CDK14: variants seen among roughly 807,000 people sequenced by gnomAD.
CDK14 encodes cyclin-dependent kinase 14.
In CDK14, 34 loss-of-function variants were observed where a neutral mutation model predicts 60.7. The observed-to-expected ratio is 0.56, with a 90% CI of 0.43 to 0.75. The LOEUF (loss-of-function observed/expected upper bound fraction) is 0.75. Ranked by LOEUF, CDK14 falls within the 30% of genes least tolerant of loss-of-function variation. The probability of loss-of-function intolerance (pLI) is 0.00; values close to 1 mark genes in which losing one functional copy is unlikely to be tolerated. For synonymous variants in CDK14, 197 were observed against 203.7 expected, an observed-to-expected ratio of 0.97 and a Z score of 0.28; for missense variants, 482 against 564.1, an observed-to-expected ratio of 0.85 and a Z score of 1.47.
chr7:91,192,148 A>G (rs1483286260), intron 14 of CDK14, among the ~76,000 whole-genome samples: 2 of 152,202 alleles, frequency 1.3e-5, no homozygotes, highest in African/African-American at 2.4e-5. Context: ...GGTTCAGGGT[A>G]GGTAAGGCTT....
chr7:90,968,784 T>G lies in CDK14; in HGVS notation c.947+12967T>G, dbSNP rs1794833164. On this transcript the variant is annotated intron_variant, in intron 9 of 14. Transcript: ENST00000380050. The stretch of plus-strand genomic sequence containing the variant: ...ATTAGAGGTGTTTGTTTTTGTTGTT[T>G]GTTTTTTCTCACACACTGGGTGTGG... Among the ~76,000 whole-genome samples the G allele has an allele frequency of 1.3e-5, 2 of 151,896 alleles. 1 individual carries two copies. The highest frequency in any genetic ancestry group is 4.2e-4 in the South Asian group (2 of 4,814).
At chr7:90,988,791 T>C (rs557002636) in intron 10 of CDK14, among the ~76,000 whole-genome samples, 1 of 152,304 alleles carries the variant, frequency 6.6e-6, no homozygotes, top group East Asian at 1.9e-4. Context: ...GGAATGATTC[T>C]GTTTTTCAGA....
At position 90,757,840 on chromosome 7, in the gene CDK14, T is replaced by C. The variant is rs150673217; in HGVS notation, c.464+10065T>C. 6.7e-3 allele frequency among the ~76,000 whole-genome samples: 1,014 copies of C among 152,272 alleles called. 3 individuals carry two copies. The highest frequency in any genetic ancestry group is 0.011 in the Non-Finnish European group (781 of 68,018). On this transcript the variant is annotated intron_variant, in intron 4 of 14. Coordinates refer to ENST00000380050, the MANE Select transcript of CDK14 (RefSeq NM_001287135.2). ...CTGGTCTCGAACTCCTGAACTAAAGTGATCCACCCACCTCGGCTTCCCAAA... is the reference window on the plus strand; with the variant it reads ...CTGGTCTCGAACTCCTGAACTAAAGCGATCCACCCACCTCGGCTTCCCAAA...
chr7:90,709,513 CAG>C, intron 2 of CDK14: 1 of 1,610,288 alleles, frequency 6.2e-7, no homozygotes, highest in Non-Finnish European at 8.5e-7. Flanking sequence ...TCTGAAAAGA[CAG>C]TGTGTTGTGA....
At position 91,038,316 on chromosome 7, in the gene CDK14, T is replaced by C. The variant is rs11974590; in HGVS notation, c.1042-7581T>C. 9.9e-3 allele frequency among the ~76,000 whole-genome samples: 1,515 copies of C among 152,356 alleles called. 28 individuals carry two copies. Among genetic ancestry groups the C allele is most frequent in the African/African-American group, 0.034 (1,427 of 41,574 alleles). ...GTCTATATAGTTAATTAAACAAATA[T>C]GTAAGGAGTGCCTACTTTATGTACT... On this transcript the variant is annotated intron_variant, in intron 10 of 14. Coordinates refer to ENST00000380050, the MANE Select transcript of CDK14 (RefSeq NM_001287135.2).
chr7:91,129,845 T>C (rs1228870699), intron 14 of CDK14, among the ~76,000 whole-genome samples: 1 of 152,176 alleles, frequency 6.6e-6, no homozygotes, highest in African/African-American at 2.4e-5. Flanking sequence ...TAGTGAAACG[T>C]GTCAACCTTT....
chr7:91,080,309 A>C (rs538770340), intron 12 of CDK14, among the ~76,000 whole-genome samples: 1 of 152,322 alleles, frequency 6.6e-6, no homozygotes, highest in Non-Finnish European at 1.5e-5. Context: ...AAACTTTTTC[A>C]TATTAAAATG....
intron 14 of CDK14, among the ~76,000 whole-genome samples, chr7:91,160,726 C>G (rs775352112): frequency 4.6e-5 from 7 of 151,740 alleles, no homozygotes; most frequent in Non-Finnish European, 7.4e-5. Context: ...TTGCTATTTC[C>G]TTTTTATTTA....
intron 14 of CDK14, among the ~76,000 whole-genome samples, chr7:91,161,694 A>C (rs754287813): frequency 2.6e-5 from 4 of 152,230 alleles, no homozygotes; most frequent in Non-Finnish European, 4.4e-5. Flanking sequence ...GACAACTTCT[A>C]ATAATAAATG....
intron 10 of CDK14, among the ~76,000 whole-genome samples, chr7:91,027,892 T>C (rs1333375708): frequency 8.7e-5 from 1 of 11,552 alleles, no homozygotes; most frequent in African/African-American, 4.6e-4. Flanking sequence ...TCTCCTCTCC[T>C]CTCCTCTCCC....
At chr7:90,922,801 T>C (rs1383621647) in intron 8 of CDK14, among the ~76,000 whole-genome samples, 1 of 152,190 alleles carries the variant, frequency 6.6e-6, no homozygotes, top group African/African-American at 2.4e-5. Flanking sequence ...GTCTCAAGCA[T>C]ATTAAAATTA....
intron 5 of CDK14, among the ~76,000 whole-genome samples, chr7:90,817,994 A>C (rs1312281811): frequency 2.6e-5 from 4 of 152,224 alleles, no homozygotes; most frequent in Non-Finnish European, 5.9e-5. Context: ...ACCTAAGCCC[A>C]TCTGACTCTT....
intron 10 of CDK14, among the ~76,000 whole-genome samples, chr7:91,020,743 A>C (rs1249392468): frequency 6.6e-6 from 1 of 152,158 alleles, no homozygotes; most frequent in East Asian, 1.9e-4. Flanking sequence ...AAATTACCAC[A>C]AACTTAGTGG....
chr7:90,804,669 AT>A (rs1788757214), intron 5 of CDK14, among the ~76,000 whole-genome samples: 1 of 152,118 alleles, frequency 6.6e-6, no homozygotes, highest in South Asian at 2.1e-4. Flanking sequence ...TGAAAGTCAT[AT>A]GTTTTCTTTT....
chr7:90,829,505 G>A (rs1789839600), intron 5 of CDK14, among the ~76,000 whole-genome samples: 1 of 152,160 alleles, frequency 6.6e-6, no homozygotes. Context: ...CAGGCCCCAT[G>A]AAAGTCTGAA....
At chr7:91,182,512 ATTTTT>A (rs552713167) in intron 14 of CDK14, among the ~76,000 whole-genome samples, 1 of 151,818 alleles carries the variant, frequency 6.6e-6, no homozygotes, top group African/African-American at 2.4e-5. Flanking sequence ...TCCTTATGCA[ATTTTT>A]TTTATTTTAT....
intron 10 of CDK14, among the ~76,000 whole-genome samples, chr7:91,044,189 C>G (rs1465736064): frequency 1.3e-5 from 2 of 151,600 alleles, no homozygotes; most frequent in South Asian, 4.2e-4. Context: ...CGACATCAAT[C>G]AATACATGTA....
chr7:91,102,086 A>G (rs909151464), intron 12 of CDK14, among the ~76,000 whole-genome samples: 1 of 152,160 alleles, frequency 6.6e-6, no homozygotes. Context: ...CATTTTCAAG[A>G]GATCAGATGT....
chr7:91,123,426 T>C, intron 14 of CDK14, among the ~76,000 whole-genome samples: 1 of 152,184 alleles, frequency 6.6e-6, no homozygotes, highest in East Asian at 1.9e-4. Context: ...CTTAGTGTTC[T>C]TTGCAGGTTT....
Sources: gnomAD v4.1 joint callset for allele counts (sites outside exome capture counted in the v4.1 genomes callset) on GRCh38, gnomAD v4.1.1 for gene constraint, MANE v1.5 for transcripts, NCBI Gene and HGNC (gene_info 2026-07-23, HGNC 2026-07-21) for gene names.